The following SEPTIN7 variants were observed in gnomAD, a reference collection of about 807,000 sequenced individuals.
SEPTIN7 encodes septin-7.
SEPTIN7 carries 10 observed loss-of-function variants against 63.3 expected under a neutral mutation model. That is an observed-to-expected ratio of 0.16 (90% CI 0.10 to 0.27). The LOEUF is 0.27. SEPTIN7 is among the 10% of genes least tolerant of loss of function. The pLI, the probability that SEPTIN7 is intolerant of heterozygous loss-of-function variation, is 1.00. For synonymous variants in SEPTIN7, 131 were observed against 165.3 expected, an observed-to-expected ratio of 0.79 and a Z score of 1.59; for missense variants, 310 against 521.0, an observed-to-expected ratio of 0.59 and a Z score of 3.94.
At position 35,882,979 on chromosome 7, in the gene SEPTIN7, G is replaced by A. The variant is rs142018845; in HGVS notation, c.723+403G>A. Among the ~76,000 whole-genome samples, 380 of 152,138 alleles carry A rather than the reference G, an allele frequency of 2.5e-3. 1 individual carries two copies. The highest frequency in any genetic ancestry group is 8.4e-3 in the African/African-American group (350 of 41,548). Reference sequence around the variant, plus strand: ...CTAGATAGGAGGAGTAAGTTCTAGCGTTCTGTAGCATTGTAGGGTGGCTGT... The same window carrying A: ...CTAGATAGGAGGAGTAAGTTCTAGCATTCTGTAGCATTGTAGGGTGGCTGT... On this transcript the variant is annotated intron_variant, in intron 8 of 13. Transcript: ENST00000350320.
chr7:35,812,470 A>G (rs1286864939), intron 1 of SEPTIN7, among the ~76,000 whole-genome samples: 4 of 152,190 alleles, frequency 2.6e-5, no homozygotes, highest in Non-Finnish European at 5.9e-5. Flanking sequence ...GATATATGAT[A>G]TAAATGCACC....
intron 4 of SEPTIN7, among the ~76,000 whole-genome samples, chr7:35,868,541 G>A (rs1281301342): frequency 6.6e-6 from 1 of 151,916 alleles, no homozygotes; most frequent in Non-Finnish European, 1.5e-5. Flanking sequence ...AAATTTTAAT[G>A]AAGTGGTAGC....
At chr7:35,873,428 A>G (rs1333844841) in intron 5 of SEPTIN7, among the ~76,000 whole-genome samples, 1 of 152,094 alleles carries the variant, frequency 6.6e-6, no homozygotes, top group Non-Finnish European at 1.5e-5. Context: ...GTGTTTCGAC[A>G]GTAAATAGTT....
the SEPTIN7 span, among the ~76,000 whole-genome samples, chr7:35,915,248 C>T: frequency 6.1e-4 from 92 of 149,980 alleles, 1 homozygote; most frequent in South Asian, 5.2e-3. Context: ...AGGCACAGAT[C>T]GCTCATACAC....
the SEPTIN7 span, among the ~76,000 whole-genome samples, chr7:35,915,173 A>T: frequency 6.6e-6 from 1 of 152,072 alleles, no homozygotes; most frequent in Non-Finnish European, 1.5e-5. Flanking sequence ...ATATATACAC[A>T]CATATACATA....
intron 11 of SEPTIN7, among the ~76,000 whole-genome samples, chr7:35,896,778 G>T (rs1787981625): frequency 6.6e-6 from 1 of 152,208 alleles, no homozygotes; most frequent in South Asian, 2.1e-4. Context: ...AGGTTAGCAT[G>T]TAGAAGTTTT....
intron 3 of SEPTIN7, among the ~76,000 whole-genome samples, chr7:35,833,619 TGAC>T (rs1783941641): frequency 1.3e-5 from 2 of 152,154 alleles, no homozygotes; most frequent in Admixed American, 1.3e-4. Context: ...TCATATAGGC[TGAC>T]TTTAGAACCT....
chr7:35,867,136 G>GT (rs1785851870), intron 4 of SEPTIN7, among the ~76,000 whole-genome samples: 1 of 151,958 alleles, frequency 6.6e-6, no homozygotes, highest in African/African-American at 2.4e-5. Context: ...ATGGTACCAT[G>GT]TTACCTCCAT....
intron 1 of SEPTIN7, among the ~76,000 whole-genome samples, chr7:35,807,351 A>ATTT (rs70974769): frequency 9.0e-5 from 2 of 22,186 alleles, no homozygotes; most frequent in Admixed American, 8.1e-4. Context: ...GCCCGGCTGA[A>ATTT]TTTTTTTTTT....
At chr7:35,881,098 T>C (rs1337837889) in intron 7 of SEPTIN7, among the ~76,000 whole-genome samples, 2 of 151,966 alleles carry the variant, frequency 1.3e-5, no homozygotes. Context: ...CAGAATACCT[T>C]GAAACCTGTT....
At chr7:35,915,136 C>CATATACACATGTATACATAT in the SEPTIN7 span, among the ~76,000 whole-genome samples, 2 of 151,156 alleles carry the variant, frequency 1.3e-5, no homozygotes, top group Non-Finnish European at 2.9e-5. Context: ...TATATACATG[C>CATATACACATGTATACATAT]ATATACACAT....
chr7:35,885,048 C>CT (rs1385618056), intron 9 of SEPTIN7, among the ~76,000 whole-genome samples: 1 of 151,824 alleles, frequency 6.6e-6, no homozygotes, highest in Middle Eastern at 3.2e-3. Flanking sequence ...CAAGGTCTTG[C>CT]TATGTTGCCC....
At chr7:35,908,887 T>C (rs145804743), downstream of SEPTIN7, among the ~76,000 whole-genome samples, 456 of 152,340 alleles carry the variant, frequency 3.0e-3, 2 homozygotes, top group African/African-American at 8.9e-3. Flanking sequence ...TTACCCCTCA[T>C]TTAATTCTGT....
At chr7:35,847,364 GA>G in intron 3 of SEPTIN7, 1 of 164,234 alleles carries the variant, frequency 6.1e-6, no homozygotes. Context: ...TGCCATGGCT[GA>G]AGCCATCAGG....
At chr7:35,819,771 C>CT (rs749489097) in intron 1 of SEPTIN7, among the ~76,000 whole-genome samples, 100 of 151,602 alleles carry the variant, frequency 6.6e-4, no homozygotes, top group Non-Finnish European at 1.2e-3. Context: ...GTTTTCTGTC[C>CT]TTTTTTTTCA....
At chr7:35,834,265 T>TA (rs1174621280) in intron 3 of SEPTIN7, among the ~76,000 whole-genome samples, 1 of 151,890 alleles carries the variant, frequency 6.6e-6, no homozygotes, top group African/African-American at 2.4e-5. Context: ...CTGTAACAAT[T>TA]AAAAAAATTT....
At chr7:35,876,176 T>TAA (rs1331768533) in intron 6 of SEPTIN7, among the ~76,000 whole-genome samples, 2 of 152,218 alleles carry the variant, frequency 1.3e-5, no homozygotes, top group Middle Eastern at 3.2e-3. Flanking sequence ...ATTTCCTTGT[T>TAA]ATGTTTATTT....
At chr7:35,810,466 G>T (rs1409989885) in intron 1 of SEPTIN7, among the ~76,000 whole-genome samples, 1 of 151,874 alleles carries the variant, frequency 6.6e-6, no homozygotes, top group African/African-American at 2.4e-5. Context: ...TGGGACTACA[G>T]GCGCCCGCCA....
chr7:35,849,219 G>A (rs1784836341), intron 3 of SEPTIN7, among the ~76,000 whole-genome samples: 1 of 152,198 alleles, frequency 6.6e-6, no homozygotes, highest in Non-Finnish European at 1.5e-5. Context: ...TGTATGGAAT[G>A]TATCTAATGT....
Sources: allele counts gnomAD v4.1 joint callset (sites outside exome capture counted in the v4.1 genomes callset), GRCh38; gene constraint gnomAD v4.1.1; transcripts MANE v1.5; gene names NCBI Gene and HGNC (gene_info 2026-07-23, HGNC 2026-07-21).